Variants in NFIA observed in about 807,000 individuals in gnomAD.
NFIA encodes nuclear factor I A, also known as nuclear factor 1 A-type.
Under a neutral mutation model 62.8 loss-of-function variants are expected in NFIA, and 8 were observed. That is an observed-to-expected ratio of 0.13 (90% CI 0.07 to 0.23). The LOEUF (loss-of-function observed/expected upper bound fraction) is 0.23. Among genes scored for constraint, NFIA ranks in the 10% least tolerant of loss-of-function variants. The pLI is 1.00. For missense variants in NFIA, 410 were observed against 642.1 expected (o/e 0.64, Z 3.91); for synonymous variants, 235 against 238.1 (o/e 0.99, Z 0.12).
intron 2 of NFIA, among the ~76,000 whole-genome samples, chr1:61,110,109 T>TC (rs11397549): frequency 0.78 from 117,813 of 151,796 alleles, 46,619 homozygotes; most frequent in Middle Eastern, 0.86. Flanking sequence ...TGAAACTAAG[T>TC]CAAAGGAGTT....
At chr1:61,098,640 T>C (rs187181065) in intron 2 of NFIA, among the ~76,000 whole-genome samples, 15 of 152,334 alleles carry the variant, frequency 9.8e-5, no homozygotes, top group Non-Finnish European at 2.1e-4. Flanking sequence ...CCTCTTAATA[T>C]GTGACAAGGA....
intron 2 of NFIA, among the ~76,000 whole-genome samples, chr1:61,148,142 C>A (rs1648139452): frequency 6.6e-6 from 1 of 152,134 alleles, no homozygotes; most frequent in African/African-American, 2.4e-5. Context: ...ATCTTGGTAT[C>A]TCCAGGGCCT....
intron 2 of NFIA, among the ~76,000 whole-genome samples, chr1:61,224,285 A>C (rs1490725137): frequency 6.6e-6 from 1 of 152,178 alleles, no homozygotes; most frequent in African/African-American, 2.4e-5. Context: ...TATACTTCTT[A>C]ATGCTTATCT....
At chr1:61,255,266 C>G (rs1245621996) in intron 2 of NFIA, among the ~76,000 whole-genome samples, 1 of 152,192 alleles carries the variant, frequency 6.6e-6, no homozygotes, top group Non-Finnish European at 1.5e-5. Flanking sequence ...CAGTCTGAGA[C>G]CACAGTGTTG....
intron 2 of NFIA, among the ~76,000 whole-genome samples, chr1:61,241,240 T>C (rs1160923431): frequency 6.6e-6 from 1 of 152,136 alleles, no homozygotes; most frequent in Non-Finnish European, 1.5e-5. Context: ...TTTGGCCATC[T>C]TTCTTTCCTT....
chr1:61,432,628 CACACATATATAT>C (rs887630351), intron 10 of NFIA, among the ~76,000 whole-genome samples: 4 of 151,162 alleles, frequency 2.6e-5, no homozygotes, highest in Non-Finnish European at 5.9e-5. Context: ...CACACACGTA[CACACATATATAT>C]ACACATATAT....
At chr1:61,135,668 A>G (rs1280169390) in intron 2 of NFIA, among the ~76,000 whole-genome samples, 5 of 152,156 alleles carry the variant, frequency 3.3e-5, no homozygotes, top group South Asian at 4.1e-4. Flanking sequence ...CAGCCTCACA[A>G]AGTGCTGGGA....
At position 61,126,154 on chromosome 1, in the gene NFIA, A is replaced by G. The variant is rs139208512; in HGVS notation, c.559+37474A>G. Among the ~76,000 whole-genome samples the G allele has an allele frequency of 6.1e-4, 93 of 152,312 alleles. 1 individual carries two copies. The highest frequency in any genetic ancestry group is 2.0e-3 in the African/African-American group (82 of 41,568). ...TGAGGCAAATCTGAAATTAGAACCT[A>G]GGTCCATCTTCTTGCATTACACTAA... On this transcript the variant is annotated intron_variant, in intron 2 of 10. Transcript: ENST00000403491.
At chr1:61,138,661 A>C (rs1024918645) in intron 2 of NFIA, among the ~76,000 whole-genome samples, 2 of 151,316 alleles carry the variant, frequency 1.3e-5, no homozygotes, top group African/African-American at 2.4e-5. Flanking sequence ...GCTCACTGCA[A>C]CCTCCGCTTC....
chr1:61,350,540 G>A (rs1052575400), intron 4 of NFIA, among the ~76,000 whole-genome samples: 1 of 152,160 alleles, frequency 6.6e-6, no homozygotes, highest in Non-Finnish European at 1.5e-5. Flanking sequence ...GGAGGCTGAG[G>A]CGGGAAGATT....
chr1:61,203,346 A>G, intron 2 of NFIA, among the ~76,000 whole-genome samples: 1 of 152,190 alleles, frequency 6.6e-6, no homozygotes, highest in East Asian at 1.9e-4. Context: ...GAGCGCTTCA[A>G]GTGCTCTAGT....
In NFIA at chr1:61,332,507, C is replaced by A. The variant is rs1324652655; in HGVS notation, c.626-5C>A. The A allele has an allele frequency of 1.4e-5, 22 of 1,612,932 alleles. No individual in the cohort carries two copies. Among genetic ancestry groups the A allele is most frequent in the Non-Finnish European group, 1.8e-5 (21 of 1,179,464 alleles). ...CTTTGTTTTCTTTTGTTTTTGTTTC[C>A]CCAGGACATTTGGGCTTCCAGGACA... On this transcript the variant is annotated splice_region_variant and splice_polypyrimidine_tract_variant and intron_variant, in intron 3 of 10. Transcript: ENST00000403491.
chr1:61,165,498 T>G (rs1649507379), intron 2 of NFIA, among the ~76,000 whole-genome samples: 1 of 152,192 alleles, frequency 6.6e-6, no homozygotes, highest in South Asian at 2.1e-4. Flanking sequence ...TTTGAAGAAC[T>G]CCAAATCACA....
chr1:61,332,395 C>A, intron 3 of NFIA, 117 bp from the exon 4 acceptor site: 4 of 915,844 alleles, frequency 4.4e-6, no homozygotes, highest in Non-Finnish European at 6.8e-6. Context: ...CCAAGGAGAG[C>A]AGAGAATGAG....
intron 2 of NFIA, among the ~76,000 whole-genome samples, chr1:61,271,330 C>T (rs765244257): frequency 7.9e-5 from 12 of 152,230 alleles, no homozygotes; most frequent in Non-Finnish European, 1.0e-4. Context: ...GTCTTATCAT[C>T]GTACACAGTA....
chr1:61,203,824 C>G (rs114190251), intron 2 of NFIA, among the ~76,000 whole-genome samples: 1,803 of 152,194 alleles, frequency 0.012, 39 homozygotes, highest in African/African-American at 0.041. Context: ...AAAAAGAAAT[C>G]GACTTTAGTA....
intron 3 of NFIA, among the ~76,000 whole-genome samples, chr1:61,300,982 T>C (rs1375894437): frequency 6.6e-6 from 1 of 151,966 alleles, no homozygotes; most frequent in East Asian, 1.9e-4. Flanking sequence ...TTAATAACAT[T>C]GAGATATAAG....
At chr1:61,387,185 G>A (rs1188779537) in intron 7 of NFIA, among the ~76,000 whole-genome samples, 1 of 152,106 alleles carries the variant, frequency 6.6e-6, no homozygotes, top group Non-Finnish European at 1.5e-5. Flanking sequence ...GCTGGTGTCT[G>A]AATCTCTGTC....
chr1:61,462,419 G>C lies in NFIA; in HGVS notation c.*7099G>C, dbSNP rs892890983. The stretch of plus-strand genomic sequence containing the variant: ...TCCATTTCAAATTGTAGGGGGAGGG[G>C]ATGGAACACTTCCAGTGATGGTAAG... On this transcript the variant is annotated 3_prime_UTR_variant, in exon 11 of 11. Transcript: ENST00000403491. 10 of 152,166 alleles carry C rather than the reference G, an allele frequency of 6.6e-5. No individual in the cohort carries two copies. Among genetic ancestry groups the C allele is most frequent in the African/African-American group, 2.2e-4 (9 of 41,430 alleles). 9.4% of individuals were successfully genotyped at this position (152,166 alleles called of 1,614,324 possible).
Sources: allele counts gnomAD v4.1 joint callset (sites outside exome capture counted in the v4.1 genomes callset), GRCh38; gene constraint gnomAD v4.1.1; transcripts MANE v1.5; gene names NCBI Gene and HGNC (gene_info 2026-07-23, HGNC 2026-07-21).